Variants in WDFY3 observed in about 807,000 individuals in gnomAD.
WDFY3 encodes the protein WD repeat and FYVE domain containing 3.
Under a neutral mutation model 409.6 loss-of-function variants are expected in WDFY3, and 66 were observed. That is an observed-to-expected ratio of 0.16 (90% CI 0.13 to 0.20). The LOEUF (loss-of-function observed/expected upper bound fraction) is 0.20, where lower values mean the gene tolerates loss of function less well. Among genes scored for constraint, WDFY3 ranks in the 10% least tolerant of loss-of-function variants. The pLI is 1.00. For missense variants in WDFY3, 3,031 were observed against 4,298.1 expected (o/e 0.71, Z 8.24); for synonymous variants, 1,521 against 1,537.1 (o/e 0.99, Z 0.25).
chr4:84,762,691 T>C (rs991124662), intron 32 of WDFY3, among the ~76,000 whole-genome samples: 3 of 152,204 alleles, frequency 2.0e-5, no homozygotes, highest in Admixed American at 6.5e-5. Flanking sequence ...TTAGAGTCTG[T>C]AAAATTATTG....
chr4:84,936,380 G>A (rs887519507), intron 1 of WDFY3, among the ~76,000 whole-genome samples: 1 of 152,040 alleles, frequency 6.6e-6, no homozygotes, highest in Non-Finnish European at 1.5e-5. Context: ...AATTAGCTGG[G>A]CATGGTGGCA....
Position 84,677,255 on chromosome 4 carries a change from A to C in WDFY3, c.10401T>G (p.Phe3467Leu). The C allele has an allele frequency of 6.2e-7, 1 of 1,614,220 alleles. No individual in the cohort carries two copies. The highest frequency in any genetic ancestry group is 8.5e-7 in the Non-Finnish European group (1 of 1,180,042). ...GDSCSGCSVR[F>L]SLTERRHHCR... is the part of the protein sequence containing the mutation. ...AATGGTGTCGTCTTTCTGTGAGTGA[A>C]AACCTCACCGAGCAGCCTGAGCAGC... The change falls in exon 67 of 68, where the codon TTT becomes TTG. Residue 3467 changes from phenylalanine to leucine, a missense_variant. Around this residue, in one of 16 missense-constraint regions of WDFY3, gnomAD observed 378 missense variants for 477.3 expected, o/e 0.79. Transcript: ENST00000295888.
At chr4:84,883,605 A>C (rs1480672464) in intron 3 of WDFY3, among the ~76,000 whole-genome samples, 1 of 152,158 alleles carries the variant, frequency 6.6e-6, no homozygotes, top group African/African-American at 2.4e-5. Flanking sequence ...AGCAATCTAA[A>C]AGAGTAATGC....
At position 84,808,374 on chromosome 4, in the gene WDFY3, G is replaced by C; in HGVS notation, c.2389C>G (p.Leu797Val). 6.2e-7 allele frequency: 1 copy of C among 1,613,976 alleles called. No individual in the cohort carries two copies. Among genetic ancestry groups the C allele is most frequent in the Middle Eastern group, 1.7e-4 (1 of 6,060 alleles). The change falls in exon 15 of 68, where the codon CTC (leucine) becomes GTC (valine). Residue 797 changes from leucine (L) to valine (V), a missense_variant. Coordinates refer to ENST00000295888, the MANE Select transcript of WDFY3 (RefSeq NM_014991.6). ...IPPCLTSESS[L>V]PSPWGTPALS... ...GCTGGTGTACCCCAAGGAGAGGGGA[G>C]AGAAGACTCACTTGTCAGGCAAGGA...
intron 1 of WDFY3, among the ~76,000 whole-genome samples, chr4:84,957,179 T>C (rs1392311680): frequency 6.7e-6 from 1 of 150,304 alleles, no homozygotes; most frequent in Non-Finnish European, 1.5e-5. Flanking sequence ...AGCACTTTAG[T>C]GAAATTACAG....
At position 84,724,754 on chromosome 4, in the gene WDFY3, T is replaced by G. The variant is rs139275346; in HGVS notation, c.7273-160A>C. 1.6e-4 allele frequency among the ~76,000 whole-genome samples: 25 copies of G among 152,340 alleles called. No individual in the cohort carries two copies. The East Asian group carries it at 4.8e-3, about 29-fold the overall frequency. On this transcript the variant is annotated intron_variant, in intron 45 of 67. Coordinates refer to ENST00000295888, the MANE Select transcript of WDFY3 (RefSeq NM_014991.6). ...TAAATCCACACTTTTGGGTTAAGTT[T>G]CTCTATTTTAAAATTCTATTGATTT...
At chr4:84,958,866 C>T (rs904788773) in intron 1 of WDFY3, among the ~76,000 whole-genome samples, 2 of 152,178 alleles carry the variant, frequency 1.3e-5, no homozygotes, top group African/African-American at 4.8e-5. Flanking sequence ...CCCTTGGCTG[C>T]CTCAAATCTC....
intron 2 of WDFY3, among the ~76,000 whole-genome samples, chr4:84,929,489 A>G (rs1007037598): frequency 1.4e-5 from 2 of 140,056 alleles, no homozygotes; most frequent in African/African-American, 2.6e-5. Flanking sequence ...CCAAATTCAT[A>G]CGTTGAAATC....
At chr4:84,868,611 T>G (rs761401012) in intron 3 of WDFY3, among the ~76,000 whole-genome samples, 6 of 152,286 alleles carry the variant, frequency 3.9e-5, no homozygotes, top group Non-Finnish European at 8.8e-5. Flanking sequence ...GTGTGCTTAA[T>G]TTTTTTCCTA....
At chr4:84,887,443 C>T (rs2150469421) in intron 3 of WDFY3, among the ~76,000 whole-genome samples, 1 of 152,274 alleles carries the variant, frequency 6.6e-6, no homozygotes, top group South Asian at 2.1e-4. Flanking sequence ...GTGTAAAACA[C>T]CAGCCATTCT....
rs1211974373 is a variant in WDFY3, at chr4:84,670,757, CT to C, written c.*2110del. Reference sequence around the variant, plus strand: ...TTCTTTTAAAAAGTGTAGAATAACACTGCTACAAATCATCTAGAGGGCCAGA... The same window carrying C: ...TTCTTTTAAAAAGTGTAGAATAACACGCTACAAATCATCTAGAGGGCCAGA... On this transcript the variant is annotated 3_prime_UTR_variant, in exon 68 of 68. Transcript: ENST00000295888. 1 of 152,614 alleles carries C rather than the reference CT, an allele frequency of 6.6e-6. No individual in the cohort carries two copies. The highest frequency in any genetic ancestry group is 2.4e-5 in the African/African-American group (1 of 41,448). The allele number at this position is 152,614 out of a possible 1,614,324, so 9.5% of individuals were successfully genotyped here.
At chr4:84,945,299 G>A (rs1772674310) in intron 1 of WDFY3, among the ~76,000 whole-genome samples, 3 of 152,206 alleles carry the variant, frequency 2.0e-5, no homozygotes, top group African/African-American at 2.4e-5. Context: ...ATTTGCCTGA[G>A]TCCCCCAAAG....
intron 6 of WDFY3, among the ~76,000 whole-genome samples, chr4:84,838,440 G>T (rs763749721): frequency 6.6e-6 from 1 of 152,188 alleles, no homozygotes; most frequent in Non-Finnish European, 1.5e-5. Flanking sequence ...TGATGACCCA[G>T]TGAAGTGTTA....
At position 84,682,462 on chromosome 4, in the gene WDFY3, T is replaced by G; in HGVS notation, c.9735A>C (p.Arg3245Ser). 1 of 1,612,772 alleles carries G rather than the reference T, an allele frequency of 6.2e-7. No homozygotes were observed. Among genetic ancestry groups the G allele is most frequent in the Non-Finnish European group, 8.5e-7 (1 of 1,179,738 alleles). ...GHSDGVVRFW[R>S]MEFLQVPETP... ...TTTCAGGAACTTGCAAAAATTCCAT[T>G]CTCCAAAACTAAATTTAAATAAGTA... Residue 3245 changes from arginine (R) to serine (S), a missense_variant, in exon 64 of 68, where the codon AGA becomes AGC. Coordinates refer to ENST00000295888, the MANE Select transcript of WDFY3 (RefSeq NM_014991.6).
rs149733467 is a variant in WDFY3, at chr4:84,869,588, T to C, written c.-31-8966A>G. On this transcript the variant is annotated intron_variant, in intron 3 of 67. Transcript: ENST00000295888. ...TAAAGATGTCCATGTAAAGAAACAA[T>C]ACAATATTAGTAGCAAATATAAAAG... Among the ~76,000 whole-genome samples the C allele has an allele frequency of 4.3e-3, 653 of 152,096 alleles. 4 individuals are homozygous for C. The highest frequency in any genetic ancestry group is 0.015 in the African/African-American group (610 of 41,490).
intron 55 of WDFY3, 104 bp downstream of exon 55, chr4:84,704,234 T>A: frequency 1.2e-6 from 1 of 836,112 alleles, no homozygotes; most frequent in Non-Finnish European, 1.7e-6. Flanking sequence ...CACTAAAATT[T>A]CGCAGAGCTT....
chr4:84,690,976 G>A (rs1404890299), intron 60 of WDFY3, among the ~76,000 whole-genome samples: 1 of 152,214 alleles, frequency 6.6e-6, no homozygotes, highest in Non-Finnish European at 1.5e-5. Flanking sequence ...AGGGGACAAT[G>A]TGGCAAAAGG....
At chr4:84,957,258 CAAAAAAA>C (rs149018066) in intron 1 of WDFY3, among the ~76,000 whole-genome samples, 2 of 59,346 alleles carry the variant, frequency 3.4e-5, no homozygotes, top group African/African-American at 1.2e-4. Context: ...TTTCATATAC[CAAAAAAA>C]AAAAAAAAAA....
chr4:84,736,025 A>G (rs1156292709), intron 42 of WDFY3, 145 bp downstream of exon 42: 15 of 858,438 alleles, frequency 1.7e-5, no homozygotes. Flanking sequence ...AGAAAATGAG[A>G]GAAATTCCCA....
Sources: gnomAD v4.1 joint callset for allele counts (sites outside exome capture counted in the v4.1 genomes callset) on GRCh38, gnomAD v4.1.1 for gene constraint, gnomAD v4.1.1 regional missense constraint, MANE v1.5 for transcripts, NCBI Gene and HGNC (gene_info 2026-07-23, HGNC 2026-07-21) for gene names.